FANCC: variants seen among roughly 807,000 people sequenced by gnomAD.
FANCC encodes the protein FA complementation group C.
FANCC carries 55 observed loss-of-function variants against 71.3 expected under a neutral mutation model. The observed-to-expected ratio is 0.77, with a 90% CI of 0.62 to 0.97. The LOEUF (loss-of-function observed/expected upper bound fraction) is 0.97, where lower values mean the gene tolerates loss of function less well. Ranked by LOEUF, FANCC falls within the 50% of genes least tolerant of loss-of-function variation. The probability of loss-of-function intolerance (pLI) is 0.00; values close to 1 mark genes in which losing one functional copy is unlikely to be tolerated. For synonymous variants in FANCC, 275 were observed against 244.9 expected (o/e 1.12, Z -1.15); for missense variants, 678 against 670.9 (o/e 1.01, Z -0.12).
intron 1 of FANCC, among the ~76,000 whole-genome samples, chr9:95,281,178 T>G (rs545402496): frequency 6.6e-5 from 10 of 152,160 alleles, no homozygotes; most frequent in African/African-American, 2.4e-4. Flanking sequence ...GCTATAGCTA[T>G]CCACGTACAG....
chr9:95,287,667 A>G (rs185187847), intron 1 of FANCC, among the ~76,000 whole-genome samples: 2 of 152,350 alleles, frequency 1.3e-5, no homozygotes, highest in Non-Finnish European at 2.9e-5. Flanking sequence ...GATGAACTGA[A>G]CATTTCCATC....
intron 9 of FANCC, among the ~76,000 whole-genome samples, chr9:95,125,638 ATGTT>A (rs772054818): frequency 6.6e-5 from 10 of 152,176 alleles, no homozygotes; most frequent in East Asian, 3.8e-4. Flanking sequence ...ATTTTTCTTT[ATGTT>A]TGTTTAAGCA....
At chr9:95,240,945 G>GCT (rs1164098288) in intron 3 of FANCC, among the ~76,000 whole-genome samples, 2 of 152,104 alleles carry the variant, frequency 1.3e-5, no homozygotes, top group Non-Finnish European at 2.9e-5. Context: ...CTCTATCTTT[G>GCT]CTCTCCTAGC....
intron 6 of FANCC, among the ~76,000 whole-genome samples, chr9:95,167,938 C>T (rs2135556163): frequency 6.6e-6 from 1 of 152,350 alleles, no homozygotes; most frequent in Non-Finnish European, 1.5e-5. Context: ...CTACTTCTCT[C>T]AGTCTTTATC....
chr9:95,292,887 G>A (rs1834138262), intron 1 of FANCC: 11 of 1,584,800 alleles, frequency 6.9e-6, no homozygotes, highest in Non-Finnish European at 9.5e-6. Context: ...AAGACTTGCA[G>A]AGGACTGTGG....
intron 4 of FANCC, among the ~76,000 whole-genome samples, chr9:95,200,912 T>A (rs1827766446): frequency 6.6e-6 from 1 of 152,202 alleles, no homozygotes; most frequent in Admixed American, 6.5e-5. Flanking sequence ...ACCGTCTCAA[T>A]CATGAACATA....
intron 4 of FANCC, among the ~76,000 whole-genome samples, chr9:95,234,165 C>A (rs900691148): frequency 1.3e-5 from 2 of 152,086 alleles, no homozygotes; most frequent in Non-Finnish European, 2.9e-5. Context: ...CTTCTGCAAG[C>A]GAATCATCAG....
rs1829675910 is a variant in FANCC at position 95,227,228 on chromosome 9, CCT to C, written c.345+13419_345+13420del. ...TTAAAATGCCCTGCCCGCCATAGGT[CCT>C]TTTTCCTTTGTCTTTCCAACTTGCC... On this transcript the variant is annotated intron_variant, in intron 4 of 14. Coordinates refer to ENST00000289081, the MANE Select transcript of FANCC (RefSeq NM_000136.3). Among the ~76,000 whole-genome samples, 3 of 152,146 alleles carry C rather than the reference CCT, an allele frequency of 2.0e-5. No individual in the cohort carries two copies. In the South Asian group the frequency reaches 6.2e-4, roughly 31 times the overall value.
In FANCC at chr9:95,101,619, C is replaced by G. The variant is rs1221025915; in HGVS notation, c.*88G>C. 1.0e-5 allele frequency: 16 copies of G among 1,553,218 alleles called. No homozygotes were observed. The highest frequency in any genetic ancestry group is 1.1e-5 in the Non-Finnish European group (13 of 1,136,958). ...CAGCCCAGCGAGGGCACTTACTCCA[C>G]AAATGCGTGGCCACAGGTCATCACC... On this transcript the variant is annotated 3_prime_UTR_variant, in exon 15 of 15. Transcript: ENST00000289081.
intron 1 of FANCC, among the ~76,000 whole-genome samples, chr9:95,262,190 G>A (rs1046041627): frequency 4.0e-5 from 6 of 151,724 alleles, no homozygotes; most frequent in African/African-American, 1.5e-4. Context: ...ATTACCTCAG[G>A]ACTAAAGGTT....
chr9:95,238,596 C>T (rs1415945291), intron 4 of FANCC, among the ~76,000 whole-genome samples: 4 of 151,430 alleles, frequency 2.6e-5, no homozygotes, highest in Admixed American at 2.0e-4. Flanking sequence ...GACAGAGTCT[C>T]GCTCTGTCAC....
At chr9:95,260,087 TTGG>T (rs1831926771) in intron 1 of FANCC, among the ~76,000 whole-genome samples, 1 of 152,192 alleles carries the variant, frequency 6.6e-6, no homozygotes, top group Admixed American at 6.5e-5. Flanking sequence ...TTTTACCCTG[TTGG>T]TGGGAGTGTA....
intron 1 of FANCC, among the ~76,000 whole-genome samples, chr9:95,271,784 T>C (rs1832738195): frequency 6.6e-6 from 1 of 152,034 alleles, no homozygotes; most frequent in Non-Finnish European, 1.5e-5. Context: ...TAGGAGTTTC[T>C]TCTACTGTCA....
chr9:95,173,687 G>T (rs1391373716), intron 4 of FANCC, among the ~76,000 whole-genome samples: 1 of 152,060 alleles, frequency 6.6e-6, no homozygotes, highest in Non-Finnish European at 1.5e-5. Context: ...AGGCCGAGAC[G>T]GGCAGATCAC....
In FANCC at chr9:95,239,915, T is replaced by C. The variant is rs573149103; in HGVS notation, c.345+734A>G. ...TGATCTGAACCACAAGCATACTAAG[T>C]GGAGTCTGACAGGCATCAGCCAGTC... is the stretch of plus-strand genomic sequence containing the variant. On this transcript the variant is annotated intron_variant, in intron 4 of 14. Transcript: ENST00000289081. 3.3e-5 allele frequency among the ~76,000 whole-genome samples: 5 copies of C among 152,324 alleles called. No homozygotes were observed. The South Asian group carries it at 1.0e-3, about 32-fold the overall frequency.
At chr9:95,286,962 GC>G (rs1275141661) in intron 1 of FANCC, among the ~76,000 whole-genome samples, 1 of 152,040 alleles carries the variant, frequency 6.6e-6, no homozygotes, top group East Asian at 1.9e-4. Flanking sequence ...ATTAGAGGAA[GC>G]AAATAGCTTC....
chr9:95,101,650 T>C lies in FANCC; in HGVS notation c.*57A>G. The C allele has an allele frequency of 6.2e-7, 1 of 1,608,198 alleles. No individual in the cohort carries two copies. Among genetic ancestry groups the C allele is most frequent in the Admixed American group, 1.7e-5 (1 of 59,800 alleles). ...CGTGGCCACAGGTCATCACCTGTCC[T>C]GTGGCCCTGGCGAGCCTGATCCCTC... On this transcript the variant is annotated 3_prime_UTR_variant, in exon 15 of 15. Coordinates refer to ENST00000289081, the MANE Select transcript of FANCC (RefSeq NM_000136.3).
intron 6 of FANCC, among the ~76,000 whole-genome samples, chr9:95,154,853 T>C (rs1830368667): frequency 1.3e-5 from 2 of 151,928 alleles, no homozygotes; most frequent in African/African-American, 4.8e-5. Context: ...GACATAAGTG[T>C]TTTATAATAA....
chr9:95,232,153 G>A (rs1334137441), intron 4 of FANCC, among the ~76,000 whole-genome samples: 1 of 152,172 alleles, frequency 6.6e-6, no homozygotes, highest in Non-Finnish European at 1.5e-5. Flanking sequence ...AGCAGCAAGA[G>A]AAACAAGGGA....
Sources: allele counts gnomAD v4.1 joint callset (sites outside exome capture counted in the v4.1 genomes callset), GRCh38; gene constraint gnomAD v4.1.1; transcripts MANE v1.5; gene names NCBI Gene and HGNC (gene_info 2026-07-23, HGNC 2026-07-21).